Variants in ZNF827 observed in about 807,000 individuals in gnomAD.
ZNF827 encodes zinc finger protein 827.
Under a neutral mutation model 102.4 loss-of-function variants are expected in ZNF827, and 13 were observed. That is an observed-to-expected ratio of 0.13 (90% CI 0.08 to 0.20). The LOEUF is 0.20. ZNF827 is among the 10% of genes least tolerant of loss of function. The pLI is 1.00. For synonymous variants in ZNF827, 523 were observed against 536.2 expected (o/e 0.98, Z 0.34); for missense variants, 1,103 against 1,344.4 (o/e 0.82, Z 2.81).
chr4:145,821,725 C>A lies in ZNF827; in HGVS notation c.2383+1697G>T, dbSNP rs962519361. On this transcript the variant is annotated intron_variant, in intron 8 of 14. Coordinates refer to ENST00000508784, the MANE Select transcript of ZNF827 (RefSeq NM_001306215.2). ...ATCTCAGTTATGCTGACCTTCTCCC[C>A]CAAATAAGAGTTAAGCTTTTAAAGT... Among the ~76,000 whole-genome samples, 6 of 152,084 alleles carry A rather than the reference C, an allele frequency of 3.9e-5. No individual in the cohort carries two copies. In the East Asian group the frequency reaches 9.6e-4, roughly 24 times the overall value.
intron 1 of ZNF827, among the ~76,000 whole-genome samples, chr4:145,936,593 G>A (rs995821071): frequency 6.6e-6 from 1 of 152,184 alleles, no homozygotes; most frequent in South Asian, 2.1e-4. Context: ...CGGCCCGGGT[G>A]ACACGGAGGC....
chr4:145,882,131 C>T (rs536942572), intron 4 of ZNF827, among the ~76,000 whole-genome samples: 1 of 152,152 alleles, frequency 6.6e-6, no homozygotes. Context: ...CTTAGCTCTC[C>T]GCAGTCGGGT....
chr4:145,915,934 G>A (rs1264092896), intron 1 of ZNF827, among the ~76,000 whole-genome samples: 10 of 152,244 alleles, frequency 6.6e-5, no homozygotes, highest in African/African-American at 2.2e-4. Flanking sequence ...AACTGGTCCT[G>A]AGTAAGTCCA....
intron 1 of ZNF827, among the ~76,000 whole-genome samples, chr4:145,926,859 T>G (rs1293858282): frequency 6.6e-6 from 1 of 151,782 alleles, no homozygotes; most frequent in Non-Finnish European, 1.5e-5. Flanking sequence ...TCAACAAGTA[T>G]GTGAGTAGCC....
At chr4:145,873,682 C>T (rs1034580310) in intron 4 of ZNF827, among the ~76,000 whole-genome samples, 11 of 152,302 alleles carry the variant, frequency 7.2e-5, no homozygotes, top group African/African-American at 2.4e-4. Flanking sequence ...GTACTTCCAA[C>T]GTCTACCAGG....
At chr4:145,816,138 G>A (rs891589727) in intron 8 of ZNF827, among the ~76,000 whole-genome samples, 1 of 152,226 alleles carries the variant, frequency 6.6e-6, no homozygotes, top group Admixed American at 6.5e-5. Context: ...CTGAATAGCT[G>A]GGATTATAGG....
Position 145,849,369 on chromosome 4 carries a change from T to C in ZNF827, c.2174A>G (p.Gln725Arg). 2 of 1,614,166 alleles carry C rather than the reference T, an allele frequency of 1.2e-6. No individual in the cohort carries two copies. The highest frequency in any genetic ancestry group is 1.7e-6 in the Non-Finnish European group (2 of 1,180,016). ...RVPPERNLFSQDISVKMASEL... is the reference protein window; with the variant it reads ...RVPPERNLFSRDISVKMASEL... ...GGAAGCCATTTTCACAGAGATATCCTGACTGAAGAGGTTTCTCTCTGGGGG... is the reference window on the plus strand; with the variant it reads ...GGAAGCCATTTTCACAGAGATATCCCGACTGAAGAGGTTTCTCTCTGGGGG... The change falls in exon 6 of 15, where the codon CAG becomes CGG. Residue 725 changes from glutamine to arginine, a missense_variant. Coordinates refer to ENST00000508784, the MANE Select transcript of ZNF827 (RefSeq NM_001306215.2).
chr4:145,853,786 C>G (rs901354267), intron 5 of ZNF827, among the ~76,000 whole-genome samples: 1 of 151,848 alleles, frequency 6.6e-6, no homozygotes, highest in African/African-American at 2.4e-5. Context: ...GCCAACATGG[C>G]AAAACCCTAT....
intron 8 of ZNF827, among the ~76,000 whole-genome samples, chr4:145,790,284 T>C (rs1739487517): frequency 6.6e-6 from 1 of 152,202 alleles, no homozygotes; most frequent in African/African-American, 2.4e-5. Flanking sequence ...TTGTTTGTCA[T>C]TGAACTAGGT....
chr4:145,810,784 T>G (rs1017996475), intron 8 of ZNF827, among the ~76,000 whole-genome samples: 2 of 152,226 alleles, frequency 1.3e-5, no homozygotes, highest in Non-Finnish European at 2.9e-5. Context: ...CCACTGAATA[T>G]TCATGGTTTA....
intron 4 of ZNF827, among the ~76,000 whole-genome samples, chr4:145,878,588 AGGACAGGAC>A: frequency 1.7e-4 from 24 of 137,946 alleles, no homozygotes; most frequent in African/African-American, 5.9e-4. Flanking sequence ...AGGACAGGAC[AGGACAGGAC>A]AGGACAGGAA....
rs1031767307 is a variant in ZNF827, at chr4:145,761,858, G to C, written c.*18-260C>G. Among the ~76,000 whole-genome samples the C allele has an allele frequency of 6.6e-6, 1 of 152,224 alleles. No individual in the cohort carries two copies. The highest frequency in any genetic ancestry group is 1.5e-5 in the Non-Finnish European group (1 of 68,046). On this transcript the variant is annotated intron_variant, in intron 14 of 14. Coordinates refer to ENST00000508784, the MANE Select transcript of ZNF827 (RefSeq NM_001306215.2). The surrounding 1 kb of genome is among the most constrained non-coding windows in gnomAD (Gnocchi z 6.8). ...TGGGTCTCTTGGCCGATACAGGCAA[G>C]GCCAGCCCTCACCAAGGGGAGCAGA...
chr4:145,796,380 G>C (rs376717831), intron 8 of ZNF827, among the ~76,000 whole-genome samples: 5 of 152,206 alleles, frequency 3.3e-5, no homozygotes. Flanking sequence ...GGGGTAGAGA[G>C]AGATTAGGTT....
intron 7 of ZNF827, among the ~76,000 whole-genome samples, chr4:145,829,669 G>A (rs556315980): frequency 4.6e-5 from 7 of 152,332 alleles, no homozygotes; most frequent in African/African-American, 1.7e-4. Flanking sequence ...GGGTACAACA[G>A]TTCTGTGGGA....
chr4:145,774,617 A>T lies in ZNF827; in HGVS notation c.2749T>A (p.Ser917Thr). 6.2e-7 allele frequency: 1 copy of T among 1,613,918 alleles called. No individual in the cohort carries two copies. The highest frequency in any genetic ancestry group is 8.5e-7 in the Non-Finnish European group (1 of 1,179,962). ...CACTGCTCCTTGTCCACGTGGAGTG[A>T]CATGTGGCTGACAAACTGGACATTG... ...ELNVQFVSHM[S>T]LHVDKEQWMF... The change falls in exon 11 of 15, where the codon TCA (serine) becomes ACA (threonine). Residue 917 changes from serine to threonine, a missense_variant. Ser to Thr is a moderately conservative substitution (Grantham distance 58). Around this residue, in one of 5 missense-constraint regions of ZNF827, gnomAD observed 242 missense variants for 361.9 expected, o/e 0.67. Coordinates refer to ENST00000508784, the MANE Select transcript of ZNF827 (RefSeq NM_001306215.2).
At chr4:145,881,854 C>T (rs948037016) in intron 4 of ZNF827, among the ~76,000 whole-genome samples, 5 of 152,188 alleles carry the variant, frequency 3.3e-5, no homozygotes, top group Admixed American at 1.3e-4. Flanking sequence ...TGATGAAAAC[C>T]GTAGCTGTAC....
At chr4:145,771,816 A>T (rs1736332184) in intron 11 of ZNF827, among the ~76,000 whole-genome samples, 1 of 152,228 alleles carries the variant, frequency 6.6e-6, no homozygotes, top group Admixed American at 6.5e-5. Flanking sequence ...CTTAGGTAAC[A>T]AGATAGCGTG....
At chr4:145,773,500 A>AACACCCAG (rs1736595433) in intron 11 of ZNF827, among the ~76,000 whole-genome samples, 1 of 152,208 alleles carries the variant, frequency 6.6e-6, no homozygotes, top group Non-Finnish European at 1.5e-5. Context: ...GGGCTGACCC[A>AACACCCAG]ACACCCAGGG....
chr4:145,856,790 T>C (rs921672069), intron 5 of ZNF827, among the ~76,000 whole-genome samples: 3 of 148,824 alleles, frequency 2.0e-5, no homozygotes, highest in Admixed American at 6.8e-5. Context: ...ATGTCTATGA[T>C]GAAGATGATA....
Sources: allele counts gnomAD v4.1 joint callset (sites outside exome capture counted in the v4.1 genomes callset), GRCh38; gene constraint gnomAD v4.1.1; regional missense constraint gnomAD v4.1.1; non-coding constraint Gnocchi (gnomAD v3.1); transcripts MANE v1.5; gene names NCBI Gene and HGNC (gene_info 2026-07-23, HGNC 2026-07-21).